Variants in HDAC9 observed in about 807,000 individuals in gnomAD.
HDAC9 encodes the protein histone deacetylase 9.
HDAC9 carries 41 observed loss-of-function variants against 139.4 expected under a neutral mutation model. The observed-to-expected ratio is 0.29, with a 90% confidence interval of 0.23 to 0.38. HDAC9 has a LOEUF of 0.38. HDAC9 is among the 10% of genes least tolerant of loss of function. HDAC9 has a pLI of 1.00. For synonymous variants in HDAC9, 517 were observed against 476.2 expected, an observed-to-expected ratio of 1.09 and a Z score of -1.12; for missense variants, 1,147 against 1,297.0, an observed-to-expected ratio of 0.88 and a Z score of 1.78.
At position 18,162,797 on chromosome 7, in the gene HDAC9, C is replaced by G. The variant is rs557505872; in HGVS notation, c.25+448C>G. On this transcript the variant is annotated intron_variant, in intron 2 of 12. Coordinates refer to the HDAC9 transcript ENST00000417496. ...AGGAAGGATATTTTTCCTCCCCACC[C>G]TTCTTTGCTGCCATTCCTGTTTCCT... is the stretch of plus-strand genomic sequence containing the variant. 4.3e-4 allele frequency among the ~76,000 whole-genome samples: 65 copies of G among 152,300 alleles called. No homozygotes were observed. The South Asian group carries it at 6.4e-3, about 15-fold the overall frequency.
At chr7:18,141,607 G>A (rs34979634) in intron 1 of HDAC9, among the ~76,000 whole-genome samples, 5,311 of 152,192 alleles carry the variant, frequency 0.035, 146 homozygotes, top group Non-Finnish European at 0.054. Flanking sequence ...AACTGCTGGG[G>A]CACTTGGAGT....
At position 18,879,976 on chromosome 7, in the gene HDAC9, C is replaced by T. The variant is rs528242626; in HGVS notation, c.2803+5380C>T. 4.6e-5 allele frequency among the ~76,000 whole-genome samples: 7 copies of T among 151,996 alleles called. No individual in the cohort carries two copies. In the South Asian group the frequency reaches 1.2e-3, roughly 27 times the overall value. ...AAACAAATTTACAAGAGAAAAACAACCCCATTAAAACGTGGGGAAAGGACA... is the reference window on the plus strand; with the variant it reads ...AAACAAATTTACAAGAGAAAAACAATCCCATTAAAACGTGGGGAAAGGACA... On this transcript the variant is annotated intron_variant, in intron 22 of 25. Coordinates refer to ENST00000686413, the MANE Select transcript of HDAC9 (RefSeq NM_178425.4).
intron 2 of HDAC9, among the ~76,000 whole-genome samples, chr7:18,275,716 C>T (rs541267951): frequency 3.3e-5 from 5 of 152,218 alleles, no homozygotes; most frequent in East Asian, 1.9e-4. Flanking sequence ...GGTTTGTTTA[C>T]GTGGCCTTTC....
chr7:18,741,742 T>C (rs1391521228), intron 13 of HDAC9, among the ~76,000 whole-genome samples: 1 of 152,214 alleles, frequency 6.6e-6, no homozygotes, highest in Non-Finnish European at 1.5e-5. Context: ...TGAAACCTTC[T>C]GGAAAGGATT....
intron 1 of HDAC9, among the ~76,000 whole-genome samples, chr7:18,388,185 G>T (rs965354632): frequency 6.6e-6 from 1 of 152,116 alleles, no homozygotes. Context: ...ATATTTGTAC[G>T]TGTGGCTAAG....
chr7:18,197,666 G>A (rs1461129519), intron 2 of HDAC9, among the ~76,000 whole-genome samples: 1 of 152,114 alleles, frequency 6.6e-6, no homozygotes, highest in Admixed American at 6.6e-5. Context: ...TAAAAATATT[G>A]GTGGCAGAGC....
chr7:18,920,604 C>T (rs1487218414), intron 22 of HDAC9, among the ~76,000 whole-genome samples: 1 of 152,072 alleles, frequency 6.6e-6, no homozygotes, highest in Non-Finnish European at 1.5e-5. Context: ...AGTTTTTGTC[C>T]ATTCAGTAAG....
At chr7:18,626,658 T>A (rs1037953822) in intron 6 of HDAC9, among the ~76,000 whole-genome samples, 7 of 152,164 alleles carry the variant, frequency 4.6e-5, no homozygotes, top group African/African-American at 1.7e-4. Context: ...TAAAACCCAG[T>A]TCTCATTCCT....
At chr7:18,489,649 T>G (rs541820071) in intron 1 of HDAC9, among the ~76,000 whole-genome samples, 2 of 152,166 alleles carry the variant, frequency 1.3e-5, no homozygotes, top group East Asian at 3.9e-4. Flanking sequence ...TTGTATACAT[T>G]TATATCTTCA....
At chr7:18,480,273 A>G (rs903339624) in intron 1 of HDAC9, among the ~76,000 whole-genome samples, 2 of 152,192 alleles carry the variant, frequency 1.3e-5, no homozygotes, top group Admixed American at 6.5e-5. Context: ...CGAGGATAAC[A>G]TGCCCCAGAT....
At position 18,856,800 on chromosome 7, in the gene HDAC9, G is replaced by A. The variant is rs563441647; in HGVS notation, c.2685-17678G>A. 8.5e-5 allele frequency among the ~76,000 whole-genome samples: 13 copies of A among 152,110 alleles called. No individual in the cohort carries two copies. The South Asian group carries it at 1.9e-3, about 22-fold the overall frequency. ...GAACAATACAATCAAATGTAACATCGATTTGGGTCTCTGTGATTTTCCCTG... is the reference window on the plus strand; with the variant it reads ...GAACAATACAATCAAATGTAACATCAATTTGGGTCTCTGTGATTTTCCCTG... On this transcript the variant is annotated intron_variant, in intron 21 of 25. Coordinates refer to ENST00000686413, the MANE Select transcript of HDAC9 (RefSeq NM_178425.4).
At chr7:18,636,488 C>G (rs1783936435) in intron 8 of HDAC9, among the ~76,000 whole-genome samples, 1 of 151,930 alleles carries the variant, frequency 6.6e-6, no homozygotes, top group South Asian at 2.1e-4. Context: ...CAAAAACTCC[C>G]CTGGAGGAAT....
At chr7:18,366,365 G>A (rs200837712) in intron 1 of HDAC9, among the ~76,000 whole-genome samples, 2 of 152,092 alleles carry the variant, frequency 1.3e-5, no homozygotes, top group East Asian at 3.9e-4. Context: ...AGAACTTTGG[G>A]AATAAAAGTT....
At chr7:18,469,487 C>T (rs213275) in intron 1 of HDAC9, among the ~76,000 whole-genome samples, 50 of 152,156 alleles carry the variant, frequency 3.3e-4, no homozygotes, top group African/African-American at 1.2e-3. Context: ...GAAAAAAAAG[C>T]ACATTTTAAA....
chr7:18,643,542 A>C (rs1002859393), intron 8 of HDAC9, among the ~76,000 whole-genome samples: 1 of 152,096 alleles, frequency 6.6e-6, no homozygotes, highest in African/African-American at 2.4e-5. Context: ...TTTTGGAATA[A>C]CATCCTGTGT....
chr7:18,651,109 G>C (rs1018206892), intron 11 of HDAC9, among the ~76,000 whole-genome samples: 3 of 152,110 alleles, frequency 2.0e-5, no homozygotes, highest in Non-Finnish European at 4.4e-5. Flanking sequence ...ACGTGACAAG[G>C]ATGTTTATTT....
chr7:18,714,244 G>A (rs1275728189), intron 12 of HDAC9, among the ~76,000 whole-genome samples: 1 of 152,188 alleles, frequency 6.6e-6, no homozygotes, highest in African/African-American at 2.4e-5. Context: ...GGTGTGTGAA[G>A]ATTAAGTTGC....
chr7:18,219,656 G>A (rs1469014117), intron 2 of HDAC9, among the ~76,000 whole-genome samples: 1 of 152,076 alleles, frequency 6.6e-6, no homozygotes, highest in African/African-American at 2.4e-5. Flanking sequence ...TTATTACTTC[G>A]AAAGTTTCCT....
At chr7:18,921,870 C>T (rs970791556) in intron 22 of HDAC9, among the ~76,000 whole-genome samples, 1 of 152,104 alleles carries the variant, frequency 6.6e-6, no homozygotes, top group African/African-American at 2.4e-5. Context: ...AAATGTGGCA[C>T]ATATGCACTA....
Sources: allele counts gnomAD v4.1 joint callset (sites outside exome capture counted in the v4.1 genomes callset), GRCh38; gene constraint gnomAD v4.1.1; transcripts MANE v1.5; gene names NCBI Gene and HGNC (gene_info 2026-07-23, HGNC 2026-07-21).